The following TNFAIP1 variants were observed in gnomAD, a reference collection of about 807,000 sequenced individuals.
The protein encoded by TNFAIP1 is BTB/POZ domain-containing adapter for CUL3-mediated RhoA degradation protein 2.
In TNFAIP1, 20 loss-of-function variants were observed where a neutral mutation model predicts 32.6. The observed-to-expected ratio is 0.61, with a 90% CI of 0.43 to 0.89. TNFAIP1 has a LOEUF of 0.89. Ranked by LOEUF, TNFAIP1 falls within the 40% of genes least tolerant of loss-of-function variation. The pLI is 0.00. For missense variants in TNFAIP1, 319 were observed against 425.1 expected (o/e 0.75, Z 2.20); for synonymous variants, 166 against 166.8 (o/e 1.00, Z 0.04).
At chr17:28,337,983 G>T (rs1197033715) in intron 1 of TNFAIP1, among the ~76,000 whole-genome samples, 3 of 152,174 alleles carry the variant, frequency 2.0e-5, no homozygotes, top group Non-Finnish European at 2.9e-5. Flanking sequence ...GCACGTAGGG[G>T]TACAATAAAT....
rs1025407429 is a variant in TNFAIP1, at chr17:28,345,629, C to T, written c.*1029C>T. 6.6e-6 allele frequency: 1 copy of T among 152,290 alleles called. No individual in the cohort carries two copies. The highest frequency in any genetic ancestry group is 1.5e-5 in the Non-Finnish European group (1 of 68,062). The allele number at this position is 152,290 out of a possible 1,614,324, so 9.4% of individuals were successfully genotyped here. On this transcript the variant is annotated 3_prime_UTR_variant, in exon 7 of 7. Transcript: ENST00000226225. ...ACTGCATGGTGTTGGCTGGCATGCC[C>T]ATCAGCTGAGGACAGCAAACTCCCA...
chr17:28,339,766 G>A, intron 2 of TNFAIP1, 40 bp downstream of exon 2: 1 of 1,595,184 alleles, frequency 6.3e-7, no homozygotes, highest in Non-Finnish European at 8.6e-7. Flanking sequence ...GGGAGGGCAG[G>A]AGGAGTTCCC....
chr17:28,337,807 C>A (rs1907229301), intron 1 of TNFAIP1, among the ~76,000 whole-genome samples: 1 of 152,230 alleles, frequency 6.6e-6, no homozygotes, highest in African/African-American at 2.4e-5. Flanking sequence ...TCTCCCTAAT[C>A]ACTCTCATAT....
intron 1 of TNFAIP1, chr17:28,336,388 G>C (rs1555577441): frequency 6.6e-6 from 1 of 152,142 alleles, no homozygotes; most frequent in East Asian, 1.9e-4. Context: ...ACTTTCTGGG[G>C]CGTCACCTGC....
In TNFAIP1 at chr17:28,346,069, CTT is replaced by C. The variant is rs1236397980; in HGVS notation, c.*1470_*1471del. On this transcript the variant is annotated 3_prime_UTR_variant, in exon 7 of 7. Coordinates refer to ENST00000226225, the MANE Select transcript of TNFAIP1 (RefSeq NM_021137.5). ...ATCAAGTTCATCTCTCTTGACTACTCTTATGATAGCTGATGCCACAGAGCCTA... is the reference window on the plus strand; with the variant it reads ...ATCAAGTTCATCTCTCTTGACTACTCATGATAGCTGATGCCACAGAGCCTA... 1 of 152,252 alleles carries C rather than the reference CTT, an allele frequency of 6.6e-6. No individual in the cohort carries two copies. The highest frequency in any genetic ancestry group is 2.4e-5 in the African/African-American group (1 of 41,464). 9.4% of individuals were successfully genotyped at this position (152,252 alleles called of 1,614,324 possible).
At position 28,346,157 on chromosome 17, in the gene TNFAIP1, G is replaced by A. The variant is rs1442252668; in HGVS notation, c.*1557G>A. On this transcript the variant is annotated 3_prime_UTR_variant, in exon 7 of 7. Transcript: ENST00000226225. ...CCTGAAGTGACATGACGGCGGGACA[G>A]GGGAAATGTGACTTTCTAATTAGGC... The A allele has an allele frequency of 6.6e-6, 1 of 152,228 alleles. No individual in the cohort carries two copies. The highest frequency in any genetic ancestry group is 2.4e-5 in the African/African-American group (1 of 41,454). 9.4% of individuals were successfully genotyped at this position (152,228 alleles called of 1,614,324 possible). A position where few individuals can be genotyped will look rare whatever the true frequency, so the allele number is the denominator to read the frequency against.
At position 28,339,731 on chromosome 17, in the gene TNFAIP1, G is replaced by C. The variant is rs369902709; in HGVS notation, c.205+5G>C. The C allele has an allele frequency of 5.0e-6, 8 of 1,612,524 alleles. No individual in the cohort carries two copies. The highest frequency in any genetic ancestry group is 1.3e-5 in the African/African-American group (1 of 74,908). ...AGGTGCTGACCGACAAAGAAGGTGA[G>C]GCACTGGGGCTGCCGCTCGGGGTGG... is the stretch of plus-strand genomic sequence containing the variant. On this transcript the variant is annotated splice_donor_5th_base_variant and intron_variant, in intron 2 of 6. Coordinates refer to ENST00000226225, the MANE Select transcript of TNFAIP1 (RefSeq NM_021137.5).
At position 28,344,713 on chromosome 17, in the gene TNFAIP1, G is replaced by A. The variant is rs577193720; in HGVS notation, c.*113G>A. Reference sequence around the variant, plus strand: ...TGGGTCTCTGCTCTAGCACCCAGAGGCATGACAGGCCCTGCTCAGAGGTCA... The same window carrying A: ...TGGGTCTCTGCTCTAGCACCCAGAGACATGACAGGCCCTGCTCAGAGGTCA... On this transcript the variant is annotated 3_prime_UTR_variant, in exon 7 of 7. Transcript: ENST00000226225. The A allele has an allele frequency of 2.1e-5, 22 of 1,071,222 alleles. No individual in the cohort carries two copies. In the East Asian group the frequency reaches 5.0e-4, roughly 24 times the overall value. 66.4% of individuals were successfully genotyped at this position (1,071,222 alleles called of 1,614,324 possible).
intron 1 of TNFAIP1, chr17:28,336,454 G>A (rs1907161635): frequency 6.6e-6 from 1 of 152,200 alleles, no homozygotes; most frequent in African/African-American, 2.4e-5. Context: ...GTCATCCAGG[G>A]GCTCAAAGCA....
In TNFAIP1 at chr17:28,344,522, T is replaced by C. The variant is rs782066806; in HGVS notation, c.873T>C (p.Arg291=). Reference sequence around the variant, plus strand: ...AGGAGACCTTTGAACTGCGGGACCGTGTCCGCCGCATCCACGTCAAGCGCT... The same window carrying C: ...AGGAGACCTTTGAACTGCGGGACCGCGTCCGCCGCATCCACGTCAAGCGCT... The part of the protein sequence containing the change: ...EDEETFELRD[R]VRRIHVKRYS... Residue 291 remains arginine, a synonymous_variant, in exon 7 of 7, where the codon CGT becomes CGC. Transcript: ENST00000226225. The C allele has an allele frequency of 1.1e-5, 18 of 1,613,944 alleles. No homozygotes were observed. The highest frequency in any genetic ancestry group is 1.4e-5 in the Non-Finnish European group (17 of 1,180,044).
At chr17:28,339,366 T>C in intron 1 of TNFAIP1, 42 bp from the exon 2 acceptor site, 1 of 635,804 alleles carries the variant, frequency 1.6e-6, no homozygotes, top group East Asian at 3.0e-5. Flanking sequence ...TCCTGGGCTG[T>C]CTCAGCTGGT....
intron 1 of TNFAIP1, among the ~76,000 whole-genome samples, chr17:28,339,155 T>C (rs1907268098): frequency 6.6e-6 from 1 of 150,656 alleles, no homozygotes; most frequent in South Asian, 2.1e-4. Flanking sequence ...GGAGGATCAC[T>C]TGAGCCTGGG....
chr17:28,339,474 C>G lies in TNFAIP1; in HGVS notation c.-48C>G. The stretch of plus-strand genomic sequence containing the variant: ...CGTGACCCTTTCCACCACGGCGGAG[C>G]CTTCCAAGCCTACCTCCTGCCGTGT... On this transcript the variant is annotated 5_prime_UTR_variant, in exon 2 of 7. Coordinates refer to ENST00000226225, the MANE Select transcript of TNFAIP1 (RefSeq NM_021137.5). 1 of 1,526,200 alleles carries G rather than the reference C, an allele frequency of 6.6e-7. No individual in the cohort carries two copies. The highest frequency in any genetic ancestry group is 8.8e-7 in the Non-Finnish European group (1 of 1,136,338). 94.5% of individuals were successfully genotyped at this position (1,526,200 alleles called of 1,614,324 possible).
At position 28,340,536 on chromosome 17, in the gene TNFAIP1, G is replaced by A; in HGVS notation, c.375+58G>A. On this transcript the variant is annotated intron_variant, in intron 3 of 6. Transcript: ENST00000226225. The surrounding 1 kb of genome is among the most constrained non-coding windows in gnomAD (Gnocchi z 4.1). Reference sequence around the variant, plus strand: ...TGAGGTCAGGAGTTGCCCCCTTCTTGTGGGATGGAGGACTCTGGTTCCTGG... The same window carrying A: ...TGAGGTCAGGAGTTGCCCCCTTCTTATGGGATGGAGGACTCTGGTTCCTGG... The A allele has an allele frequency of 6.3e-7, 1 of 1,584,538 alleles. No homozygotes were observed. Among genetic ancestry groups the A allele is most frequent in the African/African-American group, 1.3e-5 (1 of 74,472 alleles).
chr17:28,341,813 C>T (rs1158149752), intron 5 of TNFAIP1, among the ~76,000 whole-genome samples: 2 of 152,202 alleles, frequency 1.3e-5, no homozygotes, highest in African/African-American at 2.4e-5. Flanking sequence ...GATTCCCTCC[C>T]CACACCCTCC....
intron 1 of TNFAIP1, among the ~76,000 whole-genome samples, chr17:28,337,631 G>C (rs782678874): frequency 2.6e-5 from 4 of 151,964 alleles, no homozygotes; most frequent in Non-Finnish European, 5.9e-5. Context: ...GCCTCCTAAA[G>C]TGCTAGGATT....
In TNFAIP1 at chr17:28,346,135, G is replaced by A. The variant is rs1907550699; in HGVS notation, c.*1535G>A. On this transcript the variant is annotated 3_prime_UTR_variant, in exon 7 of 7. Transcript: ENST00000226225. Reference sequence around the variant, plus strand: ...GACCCAGGGTTAGACACAAGGACCTGAAGTGACATGACGGCGGGACAGGGG... The same window carrying A: ...GACCCAGGGTTAGACACAAGGACCTAAAGTGACATGACGGCGGGACAGGGG... The A allele has an allele frequency of 6.6e-6, 1 of 152,238 alleles. No homozygotes were observed. Among genetic ancestry groups the A allele is most frequent in the South Asian group, 2.1e-4 (1 of 4,836 alleles). 9.4% of individuals were successfully genotyped at this position (152,238 alleles called of 1,614,324 possible).
In TNFAIP1 at chr17:28,335,860, A is replaced by G. The variant is rs1907120931; in HGVS notation, c.-115+4A>G. 1 of 152,028 alleles carries G rather than the reference A, an allele frequency of 6.6e-6. No individual in the cohort carries two copies. Among genetic ancestry groups the G allele is most frequent in the Non-Finnish European group, 1.5e-5 (1 of 68,058 alleles). 9.4% of individuals were successfully genotyped at this position (152,028 alleles called of 1,614,324 possible). On this transcript the variant is annotated splice_donor_region_variant and intron_variant, in intron 1 of 6. Coordinates refer to ENST00000226225, the MANE Select transcript of TNFAIP1 (RefSeq NM_021137.5). ...AGGAGAGGCGCCCCCGGGGACGGTG[A>G]GAGCCGGGCCCGCCGATGCCCTCGG...
intron 6 of TNFAIP1, 114 bp from the exon 7 acceptor site, chr17:28,344,250 C>T (rs1323312406): frequency 4.4e-6 from 4 of 905,058 alleles, no homozygotes; most frequent in Non-Finnish European, 1.8e-6. Context: ...CGGACCGCCA[C>T]CTGTTTTATG....
Sources: allele counts gnomAD v4.1 joint callset (sites outside exome capture counted in the v4.1 genomes callset), GRCh38; gene constraint gnomAD v4.1.1; non-coding constraint Gnocchi (gnomAD v3.1); transcripts MANE v1.5; gene names NCBI Gene and HGNC (gene_info 2026-07-23, HGNC 2026-07-21).